Variants in SUGCT observed in about 807,000 individuals in gnomAD.
SUGCT encodes the protein succinyl-CoA:glutarate-CoA transferase, also known as succinyl-CoA:glutarate CoA-transferase.
In SUGCT, 41 loss-of-function variants were observed where a neutral mutation model predicts 55.0. The ratio of observed to expected loss-of-function variants is 0.74; its 90% CI spans 0.58 to 0.97. The LOEUF (loss-of-function observed/expected upper bound fraction) is 0.97. SUGCT is among the 50% of genes least tolerant of loss of function. SUGCT has a pLI of 0.00. For synonymous variants in SUGCT, 187 were observed against 200.4 expected, an observed-to-expected ratio of 0.93 and a Z score of 0.56; for missense variants, 568 against 547.8, an observed-to-expected ratio of 1.04 and a Z score of -0.37.
At chr7:40,404,358 G>A (rs920999292) in intron 9 of SUGCT, among the ~76,000 whole-genome samples, 2 of 152,172 alleles carry the variant, frequency 1.3e-5, no homozygotes, top group Admixed American at 6.5e-5. Context: ...GTAGGTGTTG[G>A]TACCGAGACA....
chr7:40,137,302 ATTTC>A, intron 1 of SUGCT, among the ~76,000 whole-genome samples: 1 of 151,640 alleles, frequency 6.6e-6, no homozygotes, highest in Middle Eastern at 3.4e-3. Context: ...TAATTTTTTT[ATTTC>A]TTTATTTTTT....
At chr7:40,566,045 C>G (rs1796128881) in intron 12 of SUGCT, among the ~76,000 whole-genome samples, 1 of 151,210 alleles carries the variant, frequency 6.6e-6, no homozygotes, top group Admixed American at 6.6e-5. Flanking sequence ...TTCATAAACT[C>G]AGGTGTTCCT....
At chr7:40,767,325 A>G (rs1788855945) in intron 13 of SUGCT, among the ~76,000 whole-genome samples, 1 of 152,226 alleles carries the variant, frequency 6.6e-6, no homozygotes, top group Non-Finnish European at 1.5e-5. Context: ...TGCCCATAGA[A>G]TGTAAATCAC....
intron 9 of SUGCT, among the ~76,000 whole-genome samples, chr7:40,415,061 A>ATCTATCTATCTATCTGTCTATCT (rs59583043): frequency 9.4e-5 from 6 of 63,622 alleles, no homozygotes; most frequent in South Asian, 6.5e-4. Context: ...AAAAAAAAAA[A>ATCTATCTATCTATCTGTCTATCT]ATCTATCTAT....
chr7:40,670,572 G>A (rs536904066), intron 12 of SUGCT, among the ~76,000 whole-genome samples: 1 of 152,144 alleles, frequency 6.6e-6, no homozygotes, highest in African/African-American at 2.4e-5. Context: ...TAGAGTCATT[G>A]TCTTGCCATG....
intron 12 of SUGCT, chr7:40,499,427 A>C (rs749216451): frequency 2.0e-5 from 4 of 197,584 alleles, no homozygotes; most frequent in Admixed American, 1.1e-4. Context: ...AGTCTCATGG[A>C]TTGAGGTAAC....
chr7:40,733,354 C>G (rs1786994271), intron 12 of SUGCT, among the ~76,000 whole-genome samples: 1 of 152,182 alleles, frequency 6.6e-6, no homozygotes, highest in South Asian at 2.1e-4. Flanking sequence ...TATTATCTCC[C>G]TCAGGCCTGG....
At chr7:40,388,876 T>C (rs939449661) in intron 9 of SUGCT, among the ~76,000 whole-genome samples, 1 of 152,172 alleles carries the variant, frequency 6.6e-6, no homozygotes, top group Non-Finnish European at 1.5e-5. Context: ...TTGTTTTTTC[T>C]CAGAAAGAGT....
At chr7:40,444,056 G>A (rs1278681946) in intron 9 of SUGCT, among the ~76,000 whole-genome samples, 1 of 152,022 alleles carries the variant, frequency 6.6e-6, no homozygotes, top group African/African-American at 2.4e-5. Context: ...TATTTCTGAG[G>A]GCTCTGTTCT....
At chr7:40,372,301 TGCA>T (rs947503625) in intron 9 of SUGCT, among the ~76,000 whole-genome samples, 1 of 152,058 alleles carries the variant, frequency 6.6e-6, no homozygotes, top group Admixed American at 6.6e-5. Context: ...CAAAATGTAC[TGCA>T]GATCTTAGAC....
chr7:40,282,601 A>T (rs1035483420), intron 8 of SUGCT, among the ~76,000 whole-genome samples: 6 of 152,116 alleles, frequency 3.9e-5, no homozygotes, highest in Admixed American at 2.6e-4. Flanking sequence ...CTTAAAATGG[A>T]TTAAAGGGGC....
intron 10 of SUGCT, among the ~76,000 whole-genome samples, chr7:40,458,608 T>G (rs1221483585): frequency 6.6e-6 from 1 of 152,216 alleles, no homozygotes; most frequent in Non-Finnish European, 1.5e-5. Context: ...TAGGACAACC[T>G]GGGAAGATCA....
chr7:40,320,686 A>C (rs1795678889), intron 9 of SUGCT, among the ~76,000 whole-genome samples: 1 of 152,204 alleles, frequency 6.6e-6, no homozygotes. Context: ...TGTGACCCAC[A>C]CTGACCTCTA....
At chr7:40,200,161 T>C (rs1786510016) in intron 6 of SUGCT, among the ~76,000 whole-genome samples, 2 of 152,220 alleles carry the variant, frequency 1.3e-5, no homozygotes. Context: ...TTCCTTCCTT[T>C]CTTCCCTTTC....
intron 13 of SUGCT, among the ~76,000 whole-genome samples, chr7:40,857,617 G>A (rs1343138969): frequency 1.3e-5 from 2 of 152,054 alleles, no homozygotes; most frequent in African/African-American, 2.4e-5. Flanking sequence ...AGTTTGGCTG[G>A]ACCTGAAGAA....
chr7:40,772,872 G>A (rs1022267840), intron 13 of SUGCT, among the ~76,000 whole-genome samples: 6 of 151,720 alleles, frequency 4.0e-5, no homozygotes, highest in African/African-American at 1.2e-4. Context: ...CAATCTGCCC[G>A]CCACGGCCTC....
chr7:40,792,787 G>A (rs1231959459), intron 13 of SUGCT, among the ~76,000 whole-genome samples: 4 of 152,110 alleles, frequency 2.6e-5, no homozygotes, highest in Non-Finnish European at 5.9e-5. Context: ...TCATGGGACT[G>A]AGAACTAATA....
At chr7:40,146,446 A>G (rs1218460889) in intron 1 of SUGCT, among the ~76,000 whole-genome samples, 1 of 152,244 alleles carries the variant, frequency 6.6e-6, no homozygotes, top group Non-Finnish European at 1.5e-5. Context: ...GGGGTCTCAC[A>G]GCCTTCAGCG....
chr7:40,924,038 C>A, the SUGCT span, among the ~76,000 whole-genome samples: 2 of 152,084 alleles, frequency 1.3e-5, no homozygotes, highest in African/African-American at 4.8e-5. Context: ...AGCTTATTTG[C>A]CCCTTCTACC....
Sources: gnomAD v4.1 joint callset for allele counts (sites outside exome capture counted in the v4.1 genomes callset) on GRCh38, gnomAD v4.1.1 for gene constraint, MANE v1.5 for transcripts, NCBI Gene and HGNC (gene_info 2026-07-23, HGNC 2026-07-21) for gene names.